Variants in UNC93A observed in about 807,000 individuals in gnomAD.
UNC93A encodes the protein unc-93 homolog A, also known as N-acetylglucosamine transporter UNC93A.
A neutral mutation model predicts 47.5 loss-of-function variants in UNC93A; 43 were observed. The observed-to-expected ratio is 0.91, with a 90% CI of 0.71 to 1.17. The LOEUF (loss-of-function observed/expected upper bound fraction) is 1.17, where lower values mean the gene tolerates loss of function less well. Ranked by LOEUF, UNC93A falls within the 50% of genes most tolerant of loss-of-function variation. The probability of loss-of-function intolerance (pLI) is 0.00; values close to 1 mark genes in which losing one functional copy is unlikely to be tolerated. For missense variants in UNC93A, 605 were observed against 577.6 expected (o/e 1.05, Z -0.49); for synonymous variants, 280 against 258.0 (o/e 1.09, Z -0.82).
chr6:167,291,796 C>A (rs1483266645), intron 1 of UNC93A, among the ~76,000 whole-genome samples: 1 of 152,192 alleles, frequency 6.6e-6, no homozygotes, highest in Non-Finnish European at 1.5e-5. Flanking sequence ...CAGCGAGGTG[C>A]ACGTTGCTCT....
intron 1 of UNC93A, among the ~76,000 whole-genome samples, chr6:167,281,850 A>T (rs1583062509): frequency 6.6e-6 from 1 of 152,164 alleles, no homozygotes; most frequent in African/African-American, 2.4e-5. Context: ...GCTGACTCTC[A>T]GGCTCACCCC....
chr6:167,284,475 G>A (rs974095953), intron 1 of UNC93A, among the ~76,000 whole-genome samples: 36 of 152,406 alleles, frequency 2.4e-4, no homozygotes, highest in Admixed American at 5.2e-4. Flanking sequence ...GCTGGGGAGG[G>A]ATGGGGGACA....
intron 7 of UNC93A, among the ~76,000 whole-genome samples, chr6:167,310,610 G>T (rs531507907): frequency 1.3e-5 from 2 of 152,178 alleles, no homozygotes; most frequent in Non-Finnish European, 2.9e-5. Flanking sequence ...GCCGGGTGCG[G>T]TGTCTCACCC....
chr6:167,298,146 G>A (rs1778143704), intron 4 of UNC93A, 76 bp downstream of exon 4: 1 of 1,540,218 alleles, frequency 6.5e-7, no homozygotes, highest in South Asian at 1.2e-5. Context: ...GACAAAGACT[G>A]TCTCTCCCAA....
chr6:167,270,503 C>T (rs1310760199), upstream of UNC93A, among the ~76,000 whole-genome samples: 3 of 152,026 alleles, frequency 2.0e-5, no homozygotes, highest in East Asian at 5.8e-4. Context: ...AAAGGGGAGC[C>T]TTCCGGTGTG....
In UNC93A at chr6:167,291,432, C is replaced by A; in HGVS notation, c.-58C>A. On this transcript the variant is annotated 5_prime_UTR_variant, in exon 1 of 8. Coordinates refer to ENST00000230256, the MANE Select transcript of UNC93A (RefSeq NM_018974.4). Reference sequence around the variant, plus strand: ...GTTTTTCCCATGCCTCAATTGGTTTCTTTTAGGGAGCTACAAATTTACGTG... The same window carrying A: ...GTTTTTCCCATGCCTCAATTGGTTTATTTTAGGGAGCTACAAATTTACGTG... The A allele has an allele frequency of 3.2e-6, 5 of 1,538,460 alleles. No homozygotes were observed. Among genetic ancestry groups the A allele is most frequent in the South Asian group, 2.3e-5 (2 of 86,044 alleles).
At chr6:167,291,731 C>G (rs551061542) in intron 1 of UNC93A, among the ~76,000 whole-genome samples, 155 bp downstream of exon 1, 1 of 152,320 alleles carries the variant, frequency 6.6e-6, no homozygotes, top group African/African-American at 2.4e-5. Context: ...CAGTGGTTCT[C>G]AGATGCAGTC....
intron 1 of UNC93A, among the ~76,000 whole-genome samples, chr6:167,277,821 C>T (rs963715336): frequency 6.7e-6 from 1 of 150,068 alleles, no homozygotes; most frequent in African/African-American, 2.5e-5. Flanking sequence ...CTCCCTATCT[C>T]TATGTCTCTG....
intron 6 of UNC93A, 30 bp from the exon 7 acceptor site, chr6:167,307,749 C>G: frequency 6.2e-7 from 1 of 1,611,246 alleles, no homozygotes; most frequent in East Asian, 2.2e-5. Flanking sequence ...TGGCCCTCAT[C>G]GCCTGGCGGT....
intron 4 of UNC93A, among the ~76,000 whole-genome samples, chr6:167,302,975 C>T (rs9355625): frequency 0.26 from 40,279 of 152,042 alleles, 5,400 homozygotes; most frequent in Middle Eastern, 0.32. Flanking sequence ...CCAGCGTGTC[C>T]GCACCATAGA....
chr6:167,279,850 A>G (rs938662287), intron 1 of UNC93A, among the ~76,000 whole-genome samples: 1 of 152,224 alleles, frequency 6.6e-6, no homozygotes, highest in African/African-American at 2.4e-5. Context: ...TGGCATGCAT[A>G]AAAGAGAGTA....
intron 1 of UNC93A, among the ~76,000 whole-genome samples, chr6:167,279,509 T>C (rs146534908): frequency 3.0e-4 from 46 of 152,340 alleles, no homozygotes; most frequent in African/African-American, 1.1e-3. Flanking sequence ...TGATTTTACC[T>C]TTTTCTGAAA....
At chr6:167,274,405 A>G (rs1232562371) in intron 1 of UNC93A, among the ~76,000 whole-genome samples, 2 of 152,124 alleles carry the variant, frequency 1.3e-5, no homozygotes, top group Admixed American at 6.5e-5. Context: ...AGGGTTCTAG[A>G]TGTGTGTAGT....
At position 167,304,001 on chromosome 6, in the gene UNC93A, G is replaced by T. The variant is rs1778312118; in HGVS notation, c.708G>T (p.Lys236Asn). ...TTCAGCGGGAAAGTGAAGGAGAGAA[G>T]AAATCAGTACCTTTCTGGTCCACTT... ...RDVQRESEGEKKSVPFWSTLL... is the reference protein window; with the variant it reads ...RDVQRESEGENKSVPFWSTLL... The change falls in exon 5 of 8, where the codon AAG becomes AAT. Residue 236 changes from lysine to asparagine, a missense_variant. By Grantham distance (94) the Lys-to-Asn change is moderately conservative. Coordinates refer to ENST00000230256, the MANE Select transcript of UNC93A (RefSeq NM_018974.4). 1 of 1,613,732 alleles carries T rather than the reference G, an allele frequency of 6.2e-7. No homozygotes were observed. Among genetic ancestry groups the T allele is most frequent in the Non-Finnish European group, 8.5e-7 (1 of 1,179,992 alleles).
intron 1 of UNC93A, among the ~76,000 whole-genome samples, chr6:167,280,648 C>G (rs374376750): frequency 4.9e-4 from 75 of 152,302 alleles, no homozygotes; most frequent in African/African-American, 1.7e-3. Flanking sequence ...TTGTGGGTCC[C>G]TTTGCTGGCT....
At chr6:167,308,468 G>A (rs1778464714) in intron 7 of UNC93A, among the ~76,000 whole-genome samples, 1 of 152,042 alleles carries the variant, frequency 6.6e-6, no homozygotes, top group African/African-American at 2.4e-5. Flanking sequence ...TGGGGGCCCT[G>A]TGGATGTGGG....
At chr6:167,301,100 G>C (rs150884168) in intron 4 of UNC93A, among the ~76,000 whole-genome samples, 1 of 152,258 alleles carries the variant, frequency 6.6e-6, no homozygotes, top group Non-Finnish European at 1.5e-5. Context: ...GCTTTGGCCC[G>C]CAGGCCATAG....
At chr6:167,285,346 G>T (rs1562343960) in intron 1 of UNC93A, among the ~76,000 whole-genome samples, 1 of 151,870 alleles carries the variant, frequency 6.6e-6, no homozygotes, top group African/African-American at 2.4e-5. Context: ...CCAGCTGTCT[G>T]CCAGGGTTCA....
intron 1 of UNC93A, among the ~76,000 whole-genome samples, chr6:167,283,346 G>A (rs1223868159): frequency 1.3e-5 from 2 of 152,168 alleles, no homozygotes; most frequent in Admixed American, 1.3e-4. Flanking sequence ...GTTTTCATGT[G>A]AAGTCTGGCC....
Sources: gnomAD v4.1 joint callset for allele counts (sites outside exome capture counted in the v4.1 genomes callset) on GRCh38, gnomAD v4.1.1 for gene constraint, MANE v1.5 for transcripts, NCBI Gene and HGNC (gene_info 2026-07-23, HGNC 2026-07-21) for gene names.